The following GPR155 variants were observed in gnomAD, a reference collection of about 807,000 sequenced individuals.
The protein encoded by GPR155 is G protein-coupled receptor 155.
GPR155 carries 65 observed loss-of-function variants against 93.1 expected under a neutral mutation model. The ratio of observed to expected loss-of-function variants is 0.70; its 90% CI spans 0.57 to 0.86. GPR155 has a LOEUF of 0.86. Ranked by LOEUF, GPR155 falls within the 40% of genes least tolerant of loss-of-function variation. The pLI is 0.00. For missense variants in GPR155, 838 were observed against 1,034.8 expected (o/e 0.81, Z 2.61); for synonymous variants, 319 against 360.1 (o/e 0.89, Z 1.29).
chr2:174,468,804 G>A, intron 5 of GPR155, 108 bp downstream of exon 5: 2 of 966,936 alleles, frequency 2.1e-6, no homozygotes, highest in South Asian at 3.4e-5. Context: ...GCAGGCTTTA[G>A]CTTTCTTTAT....
At chr2:174,479,462 C>A (rs1168954202) in intron 2 of GPR155, among the ~76,000 whole-genome samples, 1 of 152,206 alleles carries the variant, frequency 6.6e-6, no homozygotes, top group African/African-American at 2.4e-5. Flanking sequence ...TGTCAGTCAC[C>A]TGCTAGTTGT....
At position 174,468,998 on chromosome 2, in the gene GPR155, T is replaced by TAC; in HGVS notation, c.1095_1096insGT (p.Thr366ValfsTer22). The TAC allele has an allele frequency of 6.2e-7, 1 of 1,614,006 alleles. No individual in the cohort carries two copies. The highest frequency in any genetic ancestry group is 8.5e-7 in the Non-Finnish European group (1 of 1,179,910). Reference sequence around the variant, plus strand: ...GGCTTAGGGTCCATAGTGGGAAAGGTCAGTAACCAGGCAGAAACGTACATG... The same window carrying TAC: ...GGCTTAGGGTCCATAGTGGGAAAGGTACCAGTAACCAGGCAGAAACGTACATG... On this transcript the variant is annotated frameshift_variant, in exon 5 of 16. Transcript: ENST00000392552. LOFTEE classifies it high-confidence loss of function.
At chr2:174,450,388 A>G (rs1687283796) in intron 11 of GPR155, among the ~76,000 whole-genome samples, 1 of 152,174 alleles carries the variant, frequency 6.6e-6, no homozygotes, top group South Asian at 2.1e-4. Context: ...TACCTGGGTG[A>G]TGGGATCATT....
At chr2:174,471,470 A>T (rs1574730619) in intron 3 of GPR155, among the ~76,000 whole-genome samples, 1 of 4,054 alleles carries the variant, frequency 2.5e-4, no homozygotes, top group Non-Finnish European at 4.1e-4. Flanking sequence ...CATCTTTGTA[A>T]AAAAAAAAAA....
At chr2:174,472,630 C>T (rs1315354054) in intron 3 of GPR155, among the ~76,000 whole-genome samples, 2 of 152,066 alleles carry the variant, frequency 1.3e-5, no homozygotes, top group African/African-American at 2.4e-5. Context: ...TCTTTAGGGT[C>T]TTTATGGATT....
intron 10 of GPR155, among the ~76,000 whole-genome samples, chr2:174,456,566 G>A (rs1168558560): frequency 6.6e-6 from 1 of 152,152 alleles, no homozygotes; most frequent in Admixed American, 6.6e-5. Flanking sequence ...GCCTCCCAAA[G>A]TGCTAGAATT....
intron 10 of GPR155, 51 bp from the exon 11 acceptor site, chr2:174,453,892 G>T: frequency 2.5e-6 from 3 of 1,220,172 alleles, no homozygotes; most frequent in South Asian, 1.2e-5. Context: ...CAACAGAAAT[G>T]GACAATTTTA....
At chr2:174,476,610 CAA>C (rs1156403568) in intron 2 of GPR155, among the ~76,000 whole-genome samples, 1 of 151,238 alleles carries the variant, frequency 6.6e-6, no homozygotes, top group Non-Finnish European at 1.5e-5. Flanking sequence ...TCTCAAAAAA[CAA>C]AAAACAAAAC....
rs1384715176 is a variant in GPR155 at position 174,473,321 on chromosome 2, G to A, written c.504C>T (p.Tyr168=). The change falls in exon 3 of 16, where the codon TAC becomes TAT. Residue 168 remains tyrosine, a synonymous_variant. Transcript: ENST00000392552. ...YQTTYPEYLQ[Y]IYLVAPISLM... is the part of the protein sequence containing the mutation. The stretch of plus-strand genomic sequence containing the variant: ...GAGATATTGGTGCCACCAAATAAAT[G>A]TACTGGAGATATTCTGGGTATGTAG... 2 of 1,600,716 alleles carry A rather than the reference G, an allele frequency of 1.2e-6. No individual in the cohort carries two copies. The highest frequency in any genetic ancestry group is 2.7e-5 in the African/African-American group (2 of 74,294).
At chr2:174,445,922 G>C (rs907723349) in intron 12 of GPR155, among the ~76,000 whole-genome samples, 5 of 151,532 alleles carry the variant, frequency 3.3e-5, no homozygotes, top group African/African-American at 1.2e-4. Context: ...GGACACTGAG[G>C]TTTCATGTTC....
At chr2:174,451,408 T>A (rs1249225175) in intron 11 of GPR155, among the ~76,000 whole-genome samples, 2 of 152,124 alleles carry the variant, frequency 1.3e-5, no homozygotes, top group Non-Finnish European at 2.9e-5. Flanking sequence ...CATTCAACAA[T>A]CTAAATGTGA....
intron 11 of GPR155, among the ~76,000 whole-genome samples, chr2:174,448,537 T>G (rs943097522): frequency 7.6e-5 from 11 of 144,002 alleles, no homozygotes; most frequent in East Asian, 4.1e-4. Context: ...TTTGTTTTTT[T>G]TTTTTTTTTT....
rs1686715292 is a variant in GPR155, at chr2:174,434,393, T to C, written c.*1723A>G. On this transcript the variant is annotated 3_prime_UTR_variant, in exon 16 of 16. Coordinates refer to ENST00000392552, the MANE Select transcript of GPR155 (RefSeq NM_152529.7). The stretch of plus-strand genomic sequence containing the variant: ...GTTCAAACACAGAAATGATACATCA[T>C]ATGGCAATAATTTTGTTGATAAAAT... 6.6e-6 allele frequency: 1 copy of C among 151,982 alleles called. No homozygotes were observed. Among genetic ancestry groups the C allele is most frequent in the Non-Finnish European group, 1.5e-5 (1 of 67,988 alleles). 9.4% of individuals were successfully genotyped at this position (151,982 alleles called of 1,614,324 possible).
At chr2:174,442,233 TAAAAC>T (rs1381571896) in intron 13 of GPR155, 50 bp from the exon 14 acceptor site, 1 of 1,003,384 alleles carries the variant, frequency 1.0e-6, no homozygotes, top group Non-Finnish European at 1.6e-6. Context: ...AATAACATTT[TAAAAC>T]AGAGAAGTTA....
At chr2:174,461,561 T>A in intron 8 of GPR155, 27 bp downstream of exon 8, 1 of 1,566,186 alleles carries the variant, frequency 6.4e-7, no homozygotes, top group African/African-American at 1.4e-5. Flanking sequence ...TGGAAAGGTG[T>A]AAGCAAACAG....
chr2:174,438,518 T>C (rs1047079388), intron 15 of GPR155, among the ~76,000 whole-genome samples: 1 of 152,308 alleles, frequency 6.6e-6, no homozygotes, highest in Non-Finnish European at 1.5e-5. Flanking sequence ...TTTTTGTTTG[T>C]TTGTTTTTGA....
At chr2:174,457,697 C>T (rs561720809) in intron 10 of GPR155, among the ~76,000 whole-genome samples, 2 of 152,194 alleles carry the variant, frequency 1.3e-5, no homozygotes, top group East Asian at 1.9e-4. Flanking sequence ...CCTTGTGATC[C>T]GCCCACCTCA....
Position 174,447,892 on chromosome 2 carries a change from T to G in GPR155, c.1877-1145A>C, listed in dbSNP as rs927293241. ...ATATTAAAATTATATACATATAATT[T>G]TAAAGGCCGAATTAATAACTCAAGT... On this transcript the variant is annotated intron_variant, in intron 11 of 15. Coordinates refer to ENST00000392552, the MANE Select transcript of GPR155 (RefSeq NM_152529.7). Among the ~76,000 whole-genome samples, 15 of 150,100 alleles carry G rather than the reference T, an allele frequency of 1.0e-4. 1 individual carries two copies. Among genetic ancestry groups the G allele is most frequent in the Non-Finnish European group, 2.2e-4 (15 of 67,646 alleles).
At chr2:174,480,313 T>C (rs1193539346) in intron 2 of GPR155, among the ~76,000 whole-genome samples, 7 of 152,186 alleles carry the variant, frequency 4.6e-5, no homozygotes, top group Non-Finnish European at 1.0e-4. Flanking sequence ...CATTACAATG[T>C]AAATTTAATA....
Sources: allele counts gnomAD v4.1 joint callset (sites outside exome capture counted in the v4.1 genomes callset), GRCh38; gene constraint gnomAD v4.1.1; transcripts MANE v1.5; gene names NCBI Gene and HGNC (gene_info 2026-07-23, HGNC 2026-07-21).